The following CSMD1 variants were observed in gnomAD, a reference collection of about 807,000 sequenced individuals.
CSMD1 encodes the protein CUB and sushi domain-containing protein 1.
In CSMD1, 213 loss-of-function variants were observed where a neutral mutation model predicts 417.5. That is an observed-to-expected ratio of 0.51 (90% CI 0.46 to 0.57). CSMD1 has a LOEUF of 0.57. CSMD1 is among the 20% of genes least tolerant of loss of function. CSMD1 has a pLI of 0.00. For synonymous variants in CSMD1, 2,862 were observed against 1,736.8 expected, an observed-to-expected ratio of 1.65 and a Z score of -16.11; for missense variants, 6,923 against 4,529.7, an observed-to-expected ratio of 1.53 and a Z score of -15.17.
At chr8:3,258,728 T>C (rs555665240) in intron 26 of CSMD1, among the ~76,000 whole-genome samples, 1 of 152,226 alleles carries the variant, frequency 6.6e-6, no homozygotes, top group South Asian at 2.1e-4. Flanking sequence ...AAAGAAAACA[T>C]GGTACATATA....
At chr8:4,927,125 A>T (rs376495121) in intron 1 of CSMD1, among the ~76,000 whole-genome samples, 3 of 114,434 alleles carry the variant, frequency 2.6e-5, no homozygotes, top group African/African-American at 9.6e-5. Flanking sequence ...ATTATTATTA[A>T]GATAGACACT....
At position 3,179,231 on chromosome 8, in the gene CSMD1, C is replaced by T. The variant is rs528695735; in HGVS notation, c.5725+1879G>A. Among the ~76,000 whole-genome samples the T allele has an allele frequency of 2.0e-5, 3 of 152,176 alleles. No homozygotes were observed. The South Asian group carries it at 6.2e-4, about 32-fold the overall frequency. ...AAGTGCTGGGATTACAGGCGTGAGC[C>T]ACCGCGCCCAGCCTATAATCTATAT... On this transcript the variant is annotated intron_variant, in intron 37 of 69. Transcript: ENST00000635120.
intron 1 of CSMD1, among the ~76,000 whole-genome samples, chr8:4,741,934 A>G (rs938519330): frequency 6.2e-5 from 9 of 144,850 alleles, no homozygotes; most frequent in African/African-American, 2.0e-4. Context: ...CCTGGGCTCA[A>G]GGAATCTTCC....
At chr8:3,501,818 G>T (rs763963713) in intron 10 of CSMD1, among the ~76,000 whole-genome samples, 2 of 152,120 alleles carry the variant, frequency 1.3e-5, no homozygotes, top group African/African-American at 4.8e-5. Context: ...AATTTTACTT[G>T]TTTTCACCTG....
chr8:3,591,699 A>T (rs1800853481), intron 8 of CSMD1, among the ~76,000 whole-genome samples: 1 of 152,146 alleles, frequency 6.6e-6, no homozygotes, highest in Non-Finnish European at 1.5e-5. Context: ...TAGATGATTG[A>T]TAGATAGATA....
chr8:4,679,190 G>A (rs992084886), intron 1 of CSMD1, among the ~76,000 whole-genome samples: 3 of 152,234 alleles, frequency 2.0e-5, no homozygotes, highest in African/African-American at 7.2e-5. Context: ...ATCTGGCTCT[G>A]GGAGCTGTCT....
intron 3 of CSMD1, among the ~76,000 whole-genome samples, chr8:4,138,804 TG>T (rs1164778434): frequency 1.3e-5 from 2 of 152,218 alleles, no homozygotes; most frequent in East Asian, 3.8e-4. Context: ...TTTCATTTAA[TG>T]GTATTTTTTT....
At chr8:3,693,373 A>T (rs1237247413) in intron 7 of CSMD1, among the ~76,000 whole-genome samples, 1 of 152,188 alleles carries the variant, frequency 6.6e-6, no homozygotes, top group Non-Finnish European at 1.5e-5. Flanking sequence ...AAATCCGAGT[A>T]ATGTGGAATA....
chr8:4,737,842 G>T (rs1810346785), intron 1 of CSMD1, among the ~76,000 whole-genome samples: 1 of 152,178 alleles, frequency 6.6e-6, no homozygotes, highest in African/African-American at 2.4e-5. Flanking sequence ...GGAAAGGGAG[G>T]AGGAGTCAAA....
intron 11 of CSMD1, among the ~76,000 whole-genome samples, chr8:3,477,598 A>G (rs549903606): frequency 1.3e-5 from 2 of 152,304 alleles, no homozygotes; most frequent in East Asian, 1.9e-4. Context: ...TGAGTTTCAG[A>G]CATGTGTTGA....
At chr8:3,064,312 C>G (rs1045365891) in intron 49 of CSMD1, among the ~76,000 whole-genome samples, 5 of 152,176 alleles carry the variant, frequency 3.3e-5, no homozygotes, top group Non-Finnish European at 5.9e-5. Context: ...CAGCTGTTCT[C>G]ATGATGGTGA....
At chr8:4,705,321 T>G (rs770885825) in intron 1 of CSMD1, among the ~76,000 whole-genome samples, 78 of 152,184 alleles carry the variant, frequency 5.1e-4, no homozygotes, top group Admixed American at 7.2e-4. Context: ...TAGTTCTATG[T>G]TCTAGAGACT....
intron 3 of CSMD1, among the ~76,000 whole-genome samples, chr8:4,188,396 A>T (rs919396640): frequency 1.8e-4 from 28 of 152,318 alleles, no homozygotes; most frequent in African/African-American, 6.5e-4. Context: ...CACAGGAAAC[A>T]TTCGTATATT....
intron 6 of CSMD1, among the ~76,000 whole-genome samples, chr8:3,726,699 G>A (rs1312803130): frequency 6.6e-6 from 1 of 152,162 alleles, no homozygotes; most frequent in Non-Finnish European, 1.5e-5. Context: ...GGTACGAGGT[G>A]TATATTTACC....
chr8:4,730,424 T>C (rs1246909222), intron 1 of CSMD1, among the ~76,000 whole-genome samples: 1 of 152,082 alleles, frequency 6.6e-6, no homozygotes, highest in Non-Finnish European at 1.5e-5. Context: ...GGTGGGGTCA[T>C]TCAAAGAATA....
chr8:4,388,518 A>T (rs999498959), intron 3 of CSMD1, among the ~76,000 whole-genome samples: 1 of 151,276 alleles, frequency 6.6e-6, no homozygotes, highest in East Asian at 2.0e-4. Context: ...TACAAAGGGC[A>T]TAAGAAGGAT....
At chr8:4,020,627 A>T (rs1796742078) in intron 4 of CSMD1, among the ~76,000 whole-genome samples, 1 of 152,152 alleles carries the variant, frequency 6.6e-6, no homozygotes, top group South Asian at 2.1e-4. Context: ...AGGTCCCTAG[A>T]ATCACTCTTC....
At chr8:4,650,679 G>C (rs1179821082) in intron 1 of CSMD1, among the ~76,000 whole-genome samples, 1 of 151,570 alleles carries the variant, frequency 6.6e-6, no homozygotes, top group African/African-American at 2.4e-5. Context: ...GATACAGCTT[G>C]TAGTTGATTC....
chr8:4,859,499 G>A (rs561282748), intron 1 of CSMD1, among the ~76,000 whole-genome samples: 16 of 152,142 alleles, frequency 1.1e-4, no homozygotes, highest in South Asian at 4.1e-4. Context: ...GAAAATTCTC[G>A]CAACCTACTC....
Sources: gnomAD v4.1 joint callset for allele counts (sites outside exome capture counted in the v4.1 genomes callset) on GRCh38, gnomAD v4.1.1 for gene constraint, MANE v1.5 for transcripts, NCBI Gene and HGNC (gene_info 2026-07-23, HGNC 2026-07-21) for gene names.